Variants in MACROD2 observed in about 807,000 individuals in gnomAD.
MACROD2 encodes mono-ADP ribosylhydrolase 2.
A neutral mutation model predicts 70.4 loss-of-function variants in MACROD2; 36 were observed. The ratio of observed to expected loss-of-function variants is 0.51; its 90% CI spans 0.39 to 0.68. MACROD2 has a LOEUF of 0.68. Among genes scored for constraint, MACROD2 ranks in the 30% least tolerant of loss-of-function variants. The probability of loss-of-function intolerance (pLI) is 0.00; values close to 1 mark genes in which losing one functional copy is unlikely to be tolerated. For missense variants in MACROD2, 496 were observed against 538.4 expected (o/e 0.92, Z 0.78); for synonymous variants, 172 against 178.8 (o/e 0.96, Z 0.30).
intron 7 of MACROD2, among the ~76,000 whole-genome samples, chr20:15,473,560 ACTGTTTGTAGTGAGGACAGCCATCC>A (rs1217054471): frequency 6.6e-6 from 1 of 152,178 alleles, no homozygotes; most frequent in Non-Finnish European, 1.5e-5. Context: ...TTGAATTTCA[ACTGTTTGTAGTGAGGACAGCCATCC>A]CTGGTCCCAT....
chr20:14,374,068 C>T (rs963208799), intron 3 of MACROD2, among the ~76,000 whole-genome samples: 2 of 151,604 alleles, frequency 1.3e-5, no homozygotes, highest in Non-Finnish European at 2.9e-5. Context: ...TTGTGTAGAC[C>T]CTGAAAATAG....
intron 5 of MACROD2, among the ~76,000 whole-genome samples, chr20:14,987,750 A>G (rs906645183): frequency 6.6e-6 from 1 of 152,170 alleles, no homozygotes; most frequent in Non-Finnish European, 1.5e-5. Context: ...TTGAATATAT[A>G]TTCTATGAAT....
chr20:15,198,832 A>C (rs1341579569), intron 5 of MACROD2, among the ~76,000 whole-genome samples: 1 of 152,164 alleles, frequency 6.6e-6, no homozygotes, highest in African/African-American at 2.4e-5. Flanking sequence ...AGCATATCAA[A>C]GGCTCTTGAC....
intron 8 of MACROD2, among the ~76,000 whole-genome samples, chr20:15,655,885 A>G (rs936670144): frequency 4.6e-5 from 7 of 152,150 alleles, no homozygotes; most frequent in African/African-American, 1.7e-4. Flanking sequence ...AGAGGAAAGT[A>G]GTTTGTTTTT....
chr20:14,144,757 A>T (rs1478638039), intron 3 of MACROD2, among the ~76,000 whole-genome samples: 13 of 151,824 alleles, frequency 8.6e-5, no homozygotes, highest in Admixed American at 7.2e-4. Context: ...GTTTGTGAGG[A>T]TAGTTGAGGG....
At chr20:15,387,508 C>T (rs1279416952) in intron 6 of MACROD2, among the ~76,000 whole-genome samples, 2 of 151,306 alleles carry the variant, frequency 1.3e-5, no homozygotes, top group African/African-American at 2.4e-5. Context: ...TTCCTTTTCC[C>T]CCCTTCCCCC....
chr20:15,863,075 T>G (rs527926518), intron 9 of MACROD2, among the ~76,000 whole-genome samples: 1 of 152,088 alleles, frequency 6.6e-6, no homozygotes, highest in African/African-American at 2.4e-5. Context: ...ACATCAAAAC[T>G]GAGGGGCTAA....
chr20:15,975,269 A>G (rs2066289318), intron 13 of MACROD2, among the ~76,000 whole-genome samples: 1 of 152,148 alleles, frequency 6.6e-6, no homozygotes, highest in Admixed American at 6.6e-5. Flanking sequence ...GTTTCCAAAC[A>G]CGCTCGCATA....
chr20:16,051,227 A>G lies in MACROD2; in HGVS notation c.*1351A>G, dbSNP rs1246996652. The G allele has an allele frequency of 6.6e-6, 1 of 152,230 alleles. No homozygotes were observed. Among genetic ancestry groups the G allele is most frequent in the Non-Finnish European group, 1.5e-5 (1 of 68,042 alleles). 9.4% of individuals were successfully genotyped at this position (152,230 alleles called of 1,614,324 possible). ...AATCCATCTTCCTTGTAAGGGCTTTAGAACTAAAACTTACTTATATTGTTT... is the reference window on the plus strand; with the variant it reads ...AATCCATCTTCCTTGTAAGGGCTTTGGAACTAAAACTTACTTATATTGTTT... On this transcript the variant is annotated 3_prime_UTR_variant, in exon 18 of 18. Transcript: ENST00000684519.
At chr20:15,315,247 A>G in intron 6 of MACROD2, among the ~76,000 whole-genome samples, 1 of 152,202 alleles carries the variant, frequency 6.6e-6, no homozygotes, top group East Asian at 1.9e-4. Flanking sequence ...AATTACAGAA[A>G]AATAGGAGAG....
At chr20:15,049,300 G>C (rs73093968) in intron 5 of MACROD2, among the ~76,000 whole-genome samples, 2 of 151,510 alleles carry the variant, frequency 1.3e-5, no homozygotes, top group Non-Finnish European at 2.9e-5. Flanking sequence ...AGAGGGAGAA[G>C]AAGAAAGAGA....
chr20:14,602,254 C>T (rs1407116949), intron 4 of MACROD2, among the ~76,000 whole-genome samples: 1 of 152,204 alleles, frequency 6.6e-6, no homozygotes, highest in Non-Finnish European at 1.5e-5. Flanking sequence ...TTGCATGAGG[C>T]ACAAATTCCT....
In MACROD2 at chr20:15,486,488, G is replaced by T. The variant is rs2146464460; in HGVS notation, c.572-13286G>T. 1.3e-5 allele frequency among the ~76,000 whole-genome samples: 2 copies of T among 152,322 alleles called. 1 individual carries two copies. Among genetic ancestry groups the T allele is most frequent in the South Asian group, 4.1e-4 (2 of 4,830 alleles). On this transcript the variant is annotated intron_variant, in intron 7 of 17. Transcript: ENST00000684519. ...TTAGTCTTCACAACAAGAGAGAGTA[G>T]ACTTATCCCCTCTTATATGTTACCG... is the stretch of plus-strand genomic sequence containing the variant.
At chr20:14,604,395 G>C (rs1415797093) in intron 4 of MACROD2, among the ~76,000 whole-genome samples, 2 of 152,060 alleles carry the variant, frequency 1.3e-5, no homozygotes, top group Admixed American at 1.3e-4. Context: ...TGCTCTTGTG[G>C]GTATAGGTCC....
chr20:15,358,048 T>A (rs1044974210), intron 6 of MACROD2, among the ~76,000 whole-genome samples: 1 of 152,150 alleles, frequency 6.6e-6, no homozygotes, highest in African/African-American at 2.4e-5. Context: ...GACCGCGTGA[T>A]CCGCCCGCTT....
intron 5 of MACROD2, among the ~76,000 whole-genome samples, chr20:14,749,839 A>G (rs2071847227): frequency 6.6e-6 from 1 of 152,130 alleles, no homozygotes; most frequent in African/African-American, 2.4e-5. Context: ...TTTATTAGGG[A>G]AAGATTTCAC....
intron 6 of MACROD2, among the ~76,000 whole-genome samples, chr20:15,237,287 CT>C (rs2077022025): frequency 6.6e-6 from 1 of 152,146 alleles, no homozygotes; most frequent in African/African-American, 2.4e-5. Flanking sequence ...GAAAATTATG[CT>C]ACAGATGGCC....
At chr20:14,701,072 A>T (rs1190275219) in intron 5 of MACROD2, among the ~76,000 whole-genome samples, 2 of 152,158 alleles carry the variant, frequency 1.3e-5, no homozygotes, top group African/African-American at 4.8e-5. Flanking sequence ...AAATGTGCTG[A>T]AACATTGGTG....
At chr20:15,168,951 T>C (rs2076405040) in intron 5 of MACROD2, among the ~76,000 whole-genome samples, 1 of 151,792 alleles carries the variant, frequency 6.6e-6, no homozygotes, top group Non-Finnish European at 1.5e-5. Flanking sequence ...ATATCTAGAG[T>C]AGTCAAATTA....
Sources: gnomAD v4.1 joint callset for allele counts (sites outside exome capture counted in the v4.1 genomes callset) on GRCh38, gnomAD v4.1.1 for gene constraint, MANE v1.5 for transcripts, NCBI Gene and HGNC (gene_info 2026-07-23, HGNC 2026-07-21) for gene names.